The following DOCK7 variants were observed in gnomAD, a reference collection of about 807,000 sequenced individuals.
The protein encoded by DOCK7 is dedicator of cytokinesis 7, also known as dedicator of cytokinesis protein 7.
DOCK7 carries 138 observed loss-of-function variants against 271.0 expected under a neutral mutation model. The ratio of observed to expected loss-of-function variants is 0.51; its 90% CI spans 0.44 to 0.59. DOCK7 has a LOEUF of 0.59. DOCK7 is among the 20% of genes least tolerant of loss of function. DOCK7 has a pLI of 0.00. For synonymous variants in DOCK7, 823 were observed against 876.1 expected, an observed-to-expected ratio of 0.94 and a Z score of 1.07; for missense variants, 2,066 against 2,592.4, an observed-to-expected ratio of 0.80 and a Z score of 4.41.
intron 48 of DOCK7, among the ~76,000 whole-genome samples, chr1:62,464,866 G>C (rs1254769677): frequency 3.3e-5 from 5 of 152,052 alleles, no homozygotes; most frequent in Non-Finnish European, 7.4e-5. Flanking sequence ...GTAACTCTTT[G>C]GAGATTTGCG....
intron 27 of DOCK7, among the ~76,000 whole-genome samples, chr1:62,538,463 T>C (rs1557684933): frequency 6.6e-6 from 1 of 152,240 alleles, no homozygotes; most frequent in Non-Finnish European, 1.5e-5. Flanking sequence ...CATCATAAGC[T>C]ACTTGAGGAG....
rs147482853 is a variant in DOCK7, at chr1:62,550,611, T to C, written c.2766+2121A>G. On this transcript the variant is annotated intron_variant, in intron 22 of 49. Transcript: ENST00000635253. ...AATCACCATGGTATTTCTCAAGACA[T>C]GTTTAGCTGCACAGATGCTGACATG... Among the ~76,000 whole-genome samples the C allele has an allele frequency of 1.6e-3, 239 of 152,274 alleles. 4 individuals carry two copies. Among genetic ancestry groups the C allele is most frequent in the African/African-American group, 5.3e-3 (220 of 41,550 alleles).
chr1:62,470,417 A>G (rs1645797602), intron 48 of DOCK7, among the ~76,000 whole-genome samples: 1 of 152,168 alleles, frequency 6.6e-6, no homozygotes, highest in Non-Finnish European at 1.5e-5. Flanking sequence ...GGACTCGGTG[A>G]GAAAGGGTGG....
Position 62,493,185 on chromosome 1 carries a change from C to T in DOCK7, c.5218-338G>A, listed in dbSNP as rs141538375. 7.6e-3 allele frequency among the ~76,000 whole-genome samples: 1,154 copies of T among 152,162 alleles called. 6 individuals are homozygous for T. Among genetic ancestry groups the T allele is most frequent in the Admixed American group, 0.022 (329 of 15,280 alleles). On this transcript the variant is annotated intron_variant, in intron 40 of 49. Transcript: ENST00000635253. ...ATTTAATTGATCTTTTCAAAACTCT[C>T]TGTAAAGGAAAAAGGGTACAAAAAT...
At chr1:62,616,073 A>T (rs530192838) in intron 14 of DOCK7, among the ~76,000 whole-genome samples, 26 of 151,926 alleles carry the variant, frequency 1.7e-4, no homozygotes, top group African/African-American at 6.0e-4. Context: ...TTTCCATTAA[A>T]CTCAAAAAGC....
At chr1:62,613,321 T>C (rs1652029043) in intron 14 of DOCK7, among the ~76,000 whole-genome samples, 1 of 152,154 alleles carries the variant, frequency 6.6e-6, no homozygotes, top group South Asian at 2.1e-4. Context: ...AACTACCATA[T>C]ATTTGTGTAT....
Position 62,625,292 on chromosome 1 carries a change from T to C in DOCK7, c.1392A>G (p.Pro464=), listed in dbSNP as rs116172511. The part of the protein sequence containing the change: ...DDACNLTSFR[P]ATLTVTNFFK... ...AAAAATTTGTCACTGTGAGAGTAGC[T>C]GGTCGAAAGCTCGTCAAGTTACAAG... The change falls in exon 12 of 50, where the codon CCA becomes CCG. Residue 464 remains proline, a synonymous_variant. Transcript: ENST00000635253. 9.6e-4 allele frequency: 1,547 copies of C among 1,614,036 alleles called. 12 individuals carry two copies. In the African/African-American group the frequency reaches 0.018, roughly 19 times the overall value.
rs1238378980 is a variant in DOCK7, at chr1:62,663,233, AAAAC to A, written c.39-107_39-104del. 1.1e-5 allele frequency: 10 copies of A among 890,794 alleles called. No homozygotes were observed. In the East Asian group the frequency reaches 1.7e-4, roughly 15 times the overall value. 55.2% of individuals were successfully genotyped at this position (890,794 alleles called of 1,614,324 possible). On this transcript the variant is annotated intron_variant, in intron 1 of 49. Coordinates refer to ENST00000635253, the MANE Select transcript of DOCK7 (RefSeq NM_001367561.1). ...AATACATTAAAGATTCATTTAAAGA[AAAAC>A]AAAATCTCAGCATAACAATAAGGCT...
Position 62,505,603 on chromosome 1 carries a change from A to G in DOCK7, c.4611+79T>C, listed in dbSNP as rs929684474. Reference sequence around the variant, plus strand: ...AATATATTACTACATATATTAACCAATGAATGTGTCAAATGATCTTAGACA... The same window carrying G: ...AATATATTACTACATATATTAACCAGTGAATGTGTCAAATGATCTTAGACA... On this transcript the variant is annotated intron_variant, in intron 36 of 49. Transcript: ENST00000635253. The G allele has an allele frequency of 4.9e-6, 7 of 1,436,446 alleles. No homozygotes were observed. The African/African-American group carries it at 8.6e-5, about 18-fold the overall frequency. 89.0% of individuals were successfully genotyped at this position (1,436,446 alleles called of 1,614,324 possible).
chr1:62,489,615 A>G (rs1245229708), intron 41 of DOCK7, among the ~76,000 whole-genome samples: 2 of 152,186 alleles, frequency 1.3e-5, no homozygotes, highest in Admixed American at 6.5e-5. Context: ...GTGTGTGTAT[A>G]TTAATATATA....
intron 41 of DOCK7, chr1:62,492,233 T>A (rs913962182): frequency 2.6e-5 from 4 of 154,058 alleles, no homozygotes; most frequent in African/African-American, 9.7e-5. Flanking sequence ...CAATAATGAA[T>A]CTAGAAAGAA....
chr1:62,543,775 A>G, intron 23 of DOCK7, 30 bp from the exon 24 acceptor site: 2 of 1,531,812 alleles, frequency 1.3e-6, no homozygotes, highest in South Asian at 2.4e-5. Context: ...GAATGACGAG[A>G]TAACATTAAC....
intron 14 of DOCK7, among the ~76,000 whole-genome samples, chr1:62,617,128 G>A (rs1238681717): frequency 6.6e-6 from 1 of 151,080 alleles, no homozygotes; most frequent in Admixed American, 6.6e-5. Flanking sequence ...AAATGTCCAG[G>A]ATAATGGTAA....
chr1:62,652,542 T>C (rs984450684), intron 4 of DOCK7, among the ~76,000 whole-genome samples: 2 of 152,058 alleles, frequency 1.3e-5, no homozygotes, highest in Admixed American at 1.3e-4. Flanking sequence ...ATGAGATGAG[T>C]GCAAAGTGCC....
At chr1:62,560,684 A>G (rs1646293735) in intron 19 of DOCK7, among the ~76,000 whole-genome samples, 1 of 152,184 alleles carries the variant, frequency 6.6e-6, no homozygotes, top group Non-Finnish European at 1.5e-5. Flanking sequence ...AGACTACTGT[A>G]ACTCTGTACT....
chr1:62,487,227 T>C, intron 43 of DOCK7, 171 bp downstream of exon 43: 1 of 584,386 alleles, frequency 1.7e-6, no homozygotes, highest in Non-Finnish European at 3.0e-6. Flanking sequence ...TAATAAGATA[T>C]TTCTTAAAAT....
At chr1:62,598,152 T>C (rs937554058) in intron 14 of DOCK7, 7 of 1,180,098 alleles carry the variant, frequency 5.9e-6, no homozygotes, top group East Asian at 2.7e-5. Flanking sequence ...TGAAATACTT[T>C]GTTGCATTGT....
intron 14 of DOCK7, among the ~76,000 whole-genome samples, chr1:62,617,796 A>G (rs1652639863): frequency 6.6e-6 from 1 of 151,952 alleles, no homozygotes; most frequent in African/African-American, 2.4e-5. Context: ...TTTCTGTTTC[A>G]CAGTGCTGAT....
chr1:62,514,590 A>G (rs1352537061), intron 31 of DOCK7, among the ~76,000 whole-genome samples: 1 of 152,056 alleles, frequency 6.6e-6, no homozygotes, highest in African/African-American at 2.4e-5. Context: ...TAGTCCTCCA[A>G]CAGTATTGCC....
Sources: gnomAD v4.1 joint callset for allele counts (sites outside exome capture counted in the v4.1 genomes callset) on GRCh38, gnomAD v4.1.1 for gene constraint, MANE v1.5 for transcripts, NCBI Gene and HGNC (gene_info 2026-07-23, HGNC 2026-07-21) for gene names.